FBXW7: variants seen among roughly 807,000 people sequenced by gnomAD.
FBXW7 encodes F-box/WD repeat-containing protein 7.
In FBXW7, 11 loss-of-function variants were observed where a neutral mutation model predicts 86.3. That is an observed-to-expected ratio of 0.13 (90% CI 0.08 to 0.21). The LOEUF (loss-of-function observed/expected upper bound fraction) is 0.21. Among genes scored for constraint, FBXW7 ranks in the 10% least tolerant of loss-of-function variants. The pLI, the probability that FBXW7 is intolerant of heterozygous loss-of-function variation, is 1.00. For synonymous variants in FBXW7, 313 were observed against 297.9 expected (o/e 1.05, Z -0.52); for missense variants, 488 against 847.4 (o/e 0.58, Z 5.27).
chr4:152,418,188 TC>T (rs1446831688), intron 2 of FBXW7, among the ~76,000 whole-genome samples: 1 of 150,070 alleles, frequency 6.7e-6, no homozygotes, highest in African/African-American at 2.5e-5. Context: ...GTGGAAAACT[TC>T]TCAATAGGGT....
At chr4:152,454,251 G>GCC (rs36064556) in intron 2 of FBXW7, among the ~76,000 whole-genome samples, 1,153 of 100,052 alleles carry the variant, frequency 0.012, 39 homozygotes, top group African/African-American at 0.044. Context: ...AACTCTCTAA[G>GCC]CCCCCCCCCC....
At position 152,400,377 on chromosome 4, in the gene FBXW7, A is replaced by G. The variant is rs559266599; in HGVS notation, c.501+10926T>C. 2.6e-5 allele frequency among the ~76,000 whole-genome samples: 4 copies of G among 152,286 alleles called. No homozygotes were observed. In the South Asian group the frequency reaches 8.3e-4, roughly 32 times the overall value. ...AACCTAAATGGCCTTGGGTATAGAC[A>G]TGACTTTTTGCTGGGGTAGAGTGGT... On this transcript the variant is annotated intron_variant, in intron 4 of 13. Transcript: ENST00000281708.
At chr4:152,490,769 AT>A (rs1227228000) in intron 2 of FBXW7, among the ~76,000 whole-genome samples, 1 of 152,186 alleles carries the variant, frequency 6.6e-6, no homozygotes, top group African/African-American at 2.4e-5. Flanking sequence ...AACATGTTTA[AT>A]GGTATAATTA....
intron 6 of FBXW7, among the ~76,000 whole-genome samples, chr4:152,345,145 G>A (rs1232685458): frequency 2.0e-5 from 3 of 152,068 alleles, no homozygotes; most frequent in African/African-American, 4.8e-5. Flanking sequence ...GGCTATACAA[G>A]TGTCCGAGTT....
chr4:152,536,004 GGCGGCGGCGGCAGCGGCAGCGGCA>G lies in FBXW7; in HGVS notation c.-1114_-1091del. Reference sequence around the variant, plus strand: ...CTCCTTCGCTCTCAGTCTCAGCGGCGGCGGCGGCGGCAGCGGCAGCGGCAGCGCCCGGAGCTCAGCTCGCTGTCT... The same window carrying G: ...CTCCTTCGCTCTCAGTCTCAGCGGCGGCGCCCGGAGCTCAGCTCGCTGTCT... On this transcript the variant is annotated 5_prime_UTR_variant, in exon 1 of 14. Coordinates refer to ENST00000281708, the MANE Select transcript of FBXW7 (RefSeq NM_001349798.2). 1 of 223,616 alleles carries G rather than the reference GGCGGCGGCGGCAGCGGCAGCGGCA, an allele frequency of 4.5e-6. No homozygotes were observed. Among genetic ancestry groups the G allele is most frequent in the Non-Finnish European group, 8.4e-6 (1 of 118,758 alleles). 13.9% of individuals were successfully genotyped at this position (223,616 alleles called of 1,614,324 possible).
At chr4:152,391,316 T>C (rs539726778) in intron 4 of FBXW7, among the ~76,000 whole-genome samples, 1 of 152,114 alleles carries the variant, frequency 6.6e-6, no homozygotes, top group Admixed American at 6.5e-5. Flanking sequence ...CTGTCAATAT[T>C]ACATACTCAA....
intron 4 of FBXW7, among the ~76,000 whole-genome samples, chr4:152,384,455 T>C (rs1212315603): frequency 2.0e-5 from 3 of 152,068 alleles, no homozygotes; most frequent in African/African-American, 7.2e-5. Context: ...TCCACTTATA[T>C]AAGGTACTTG....
intron 4 of FBXW7, 115 bp from the exon 5 acceptor site, chr4:152,350,239 T>G: frequency 2.1e-6 from 1 of 486,956 alleles, no homozygotes. Flanking sequence ...CAATGTTAAT[T>G]AAATATATAA....
rs545935958 is a variant in FBXW7, at chr4:152,460,175, T to C, written c.-119-47646A>G. Among the ~76,000 whole-genome samples, 5 of 152,328 alleles carry C rather than the reference T, an allele frequency of 3.3e-5. No homozygotes were observed. The East Asian group carries it at 9.6e-4, about 29-fold the overall frequency. On this transcript the variant is annotated intron_variant, in intron 2 of 13. Transcript: ENST00000281708. Reference sequence around the variant, plus strand: ...ATTTTTAAGTTTTTTAGAAACCTATTATACATTACTAAAATTAAACAATAA... The same window carrying C: ...ATTTTTAAGTTTTTTAGAAACCTATCATACATTACTAAAATTAAACAATAA...
At chr4:152,403,468 AC>A in intron 4 of FBXW7, among the ~76,000 whole-genome samples, 1 of 149,586 alleles carries the variant, frequency 6.7e-6, no homozygotes, top group South Asian at 2.1e-4. Context: ...ACAGAGCCAG[AC>A]TTCATCTCAA....
Position 152,463,547 on chromosome 4 carries a change from G to A in FBXW7, c.-119-51018C>T, listed in dbSNP as rs558777519. Among the ~76,000 whole-genome samples, 63 of 152,156 alleles carry A rather than the reference G, an allele frequency of 4.1e-4. No homozygotes were observed. The South Asian group carries it at 7.7e-3, about 19-fold the overall frequency. Reference sequence around the variant, plus strand: ...AGGGCTTGTGACATGAGAATAGGTGGACAGTTAAAACCATTATCTTAAGAA... The same window carrying A: ...AGGGCTTGTGACATGAGAATAGGTGAACAGTTAAAACCATTATCTTAAGAA... On this transcript the variant is annotated intron_variant, in intron 2 of 13. Transcript: ENST00000281708.
intron 4 of FBXW7, among the ~76,000 whole-genome samples, chr4:152,371,015 C>T (rs540352373): frequency 4.0e-5 from 6 of 151,868 alleles, no homozygotes; most frequent in Non-Finnish European, 7.4e-5. Flanking sequence ...AATAAAGAGA[C>T]GTGCTGCATC....
At chr4:152,325,448 TATGGCA>T (rs1728933359) in intron 12 of FBXW7, 1 of 152,202 alleles carries the variant, frequency 6.6e-6, no homozygotes, top group African/African-American at 2.4e-5. Flanking sequence ...GATCTCAAAA[TATGGCA>T]ATGTTTTCAA....
At chr4:152,450,602 A>T (rs545980427) in intron 2 of FBXW7, among the ~76,000 whole-genome samples, 1 of 152,354 alleles carries the variant, frequency 6.6e-6, no homozygotes, top group South Asian at 2.1e-4. Flanking sequence ...TGAAAAAATT[A>T]ATACCACATA....
intron 4 of FBXW7, among the ~76,000 whole-genome samples, chr4:152,384,749 A>G (rs1735386914): frequency 1.3e-5 from 2 of 152,012 alleles, no homozygotes; most frequent in South Asian, 4.1e-4. Context: ...AAATGGAATA[A>G]TCATCACCAA....
chr4:152,378,937 T>C (rs1416144521), intron 4 of FBXW7, among the ~76,000 whole-genome samples: 2 of 152,088 alleles, frequency 1.3e-5, no homozygotes, highest in East Asian at 3.9e-4. Context: ...ACCCAGGAGA[T>C]GAAGGCTGCA....
intron 4 of FBXW7, among the ~76,000 whole-genome samples, chr4:152,361,588 ATATTT>A (rs1732947157): frequency 6.6e-6 from 1 of 152,214 alleles, no homozygotes; most frequent in Non-Finnish European, 1.5e-5. Context: ...TCTCATAGAA[ATATTT>A]TATTTACAGA....
At chr4:152,447,171 A>G (rs1484593542) in intron 2 of FBXW7, among the ~76,000 whole-genome samples, 2 of 152,216 alleles carry the variant, frequency 1.3e-5, no homozygotes, top group Non-Finnish European at 2.9e-5. Context: ...TAACATGGTG[A>G]TTTGAATACC....
chr4:152,322,800 C>T lies in FBXW7; in HGVS notation c.*81G>A, dbSNP rs934571495. On this transcript the variant is annotated 3_prime_UTR_variant, in exon 14 of 14. Transcript: ENST00000281708. ...GAGAACAAGGGATTTTTTTCTTTTTCTTTTCTTTTTTTCTTTTTGCAGGGG... is the reference window on the plus strand; with the variant it reads ...GAGAACAAGGGATTTTTTTCTTTTTTTTTTCTTTTTTTCTTTTTGCAGGGG... 58 of 1,554,524 alleles carry T rather than the reference C, an allele frequency of 3.7e-5. No individual in the cohort carries two copies. The Admixed American group carries it at 6.0e-4, about 16-fold the overall frequency.
Sources: gnomAD v4.1 joint callset for allele counts (sites outside exome capture counted in the v4.1 genomes callset) on GRCh38, gnomAD v4.1.1 for gene constraint, MANE v1.5 for transcripts, NCBI Gene and HGNC (gene_info 2026-07-23, HGNC 2026-07-21) for gene names.